Variants in FIBP observed in about 807,000 individuals in gnomAD.
FIBP encodes FGF1 intracellular binding protein.
Under a neutral mutation model 40.5 loss-of-function variants are expected in FIBP, and 29 were observed. That is an observed-to-expected ratio of 0.72 (90% CI 0.53 to 0.98). FIBP has a LOEUF of 0.98. FIBP is among the 50% of genes least tolerant of loss of function. The probability of loss-of-function intolerance (pLI) is 0.00; values close to 1 mark genes in which losing one functional copy is unlikely to be tolerated. For synonymous variants in FIBP, 215 were observed against 191.1 expected (o/e 1.13, Z -1.03); for missense variants, 411 against 470.2 (o/e 0.87, Z 1.16).
chr11:65,885,270 T>A (rs552779927), intron 5 of FIBP, 84 bp from the exon 6 acceptor site: 4 of 1,171,644 alleles, frequency 3.4e-6, no homozygotes, highest in Admixed American at 3.5e-5. Flanking sequence ...ACCACCTTAT[T>A]TCCCCCCTGG....
In FIBP at chr11:65,888,002, C is replaced by T. The variant is rs1482704370; in HGVS notation, c.216G>A (p.Ala72=). Residue 72 remains alanine, a synonymous_variant, in exon 2 of 10, where the codon GCG becomes GCA. Coordinates refer to ENST00000357519, the MANE Select transcript of FIBP (RefSeq NM_004214.5). Reference sequence around the variant, plus strand: ...TGAGCTGGTGCAGTAGCTTGGGCGGCGCATGCAGCAGCCGCTCGAGCATGT... The same window carrying T: ...TGAGCTGGTGCAGTAGCTTGGGCGGTGCATGCAGCAGCCGCTCGAGCATGT... ...TFHMLERLLH[A]PPKLLHQLIF... is the part of the protein sequence containing the mutation. The T allele has an allele frequency of 6.2e-7, 1 of 1,613,236 alleles. No homozygotes were observed. The highest frequency in any genetic ancestry group is 1.1e-5 in the South Asian group (1 of 90,982).
chr11:65,885,242 C>G, intron 5 of FIBP, 56 bp from the exon 6 acceptor site: 1 of 1,324,314 alleles, frequency 7.6e-7, no homozygotes, highest in Non-Finnish European at 1.1e-6. Context: ...CTGTGATAGC[C>G]TAAGCCTTTC....
Position 65,886,433 on chromosome 11 carries a change from G to A in FIBP, c.412-11C>T. 2 of 1,592,760 alleles carry A rather than the reference G, an allele frequency of 1.3e-6. No individual in the cohort carries two copies. Among genetic ancestry groups the A allele is most frequent in the Non-Finnish European group, 1.7e-6 (2 of 1,160,618 alleles). ...TTTAAAGTTGTCAAACTGCAGGGCAGTTAGGGTAGAAGAGAGGACTGGTCA... is the reference window on the plus strand; with the variant it reads ...TTTAAAGTTGTCAAACTGCAGGGCAATTAGGGTAGAAGAGAGGACTGGTCA... On this transcript the variant is annotated splice_polypyrimidine_tract_variant and intron_variant, in intron 3 of 9. Transcript: ENST00000357519.
In FIBP at chr11:65,884,342, G is replaced by A. The variant is rs890444172; in HGVS notation, c.1004+50C>T. 14 of 1,547,444 alleles carry A rather than the reference G, an allele frequency of 9.0e-6. No homozygotes were observed. In the African/African-American group the frequency reaches 9.5e-5, roughly 11 times the overall value. On this transcript the variant is annotated intron_variant, in intron 9 of 9. Coordinates refer to ENST00000357519, the MANE Select transcript of FIBP (RefSeq NM_004214.5). The stretch of plus-strand genomic sequence containing the variant: ...TCTGCAGGAGGCGAGGTCCTGGCAG[G>A]TGGCAGGCTGGGGCAAAGCCAAGCT...
In FIBP at chr11:65,888,027, T is replaced by C; in HGVS notation, c.191A>G (p.His64Arg). 1 of 1,612,898 alleles carries C rather than the reference T, an allele frequency of 6.2e-7. No individual in the cohort carries two copies. Among genetic ancestry groups the C allele is most frequent in the Non-Finnish European group, 8.5e-7 (1 of 1,179,714 alleles). Reference sequence around the variant, plus strand: ...CGCATGCAGCAGCCGCTCGAGCATGTGGAAGGTGCGGTAATGGTCCATGGT... The same window carrying C: ...CGCATGCAGCAGCCGCTCGAGCATGCGGAAGGTGCGGTAATGGTCCATGGT... Reference protein sequence around the residue: ...SDTMDHYRTFHMLERLLHAPP... With the variant: ...SDTMDHYRTFRMLERLLHAPP... Residue 64 changes from histidine (H) to arginine (R), a missense_variant, in exon 2 of 10, where the codon CAC becomes CGC. Physicochemically the swap from His to Arg is conservative, Grantham distance 29 (BLOSUM62 0). Transcript: ENST00000357519.
At position 65,886,375 on chromosome 11, in the gene FIBP, G is replaced by A; in HGVS notation, c.459C>T (p.Gly153=). ...RVFKVVEEMR[G]SLVDNIQQHF... Reference sequence around the variant, plus strand: ...GTTGCTGAATATTGTCCACCAGGGAGCCCCGCATTTCCTCTACCACCTTGA... The same window carrying A: ...GTTGCTGAATATTGTCCACCAGGGAACCCCGCATTTCCTCTACCACCTTGA... The change falls in exon 4 of 10, where the codon GGC becomes GGT. Residue 153 remains glycine, a synonymous_variant. Transcript: ENST00000357519. 1 of 1,613,942 alleles carries A rather than the reference G, an allele frequency of 6.2e-7. No homozygotes were observed. The highest frequency in any genetic ancestry group is 2.2e-5 in the East Asian group (1 of 44,870).
At position 65,887,625 on chromosome 11, in the gene FIBP, A is replaced by G; in HGVS notation, c.386T>C (p.Ile129Thr). 6.2e-7 allele frequency: 1 copy of G among 1,614,062 alleles called. No homozygotes were observed. Among genetic ancestry groups the G allele is most frequent in the Non-Finnish European group, 8.5e-7 (1 of 1,180,004 alleles). ...DLDDISTKTGITLKSCRRQFD... is the reference protein window; with the variant it reads ...DLDDISTKTGTTLKSCRRQFD... ...CTGTCTCCGGCAGCTCTTGAGGGTG[A>G]TGCCTGTTTTGGTGCTGATGTCATC... The change falls in exon 3 of 10, where the codon ATC becomes ACC. Residue 129 changes from isoleucine (I) to threonine (T), a missense_variant. By Grantham distance (89) the Ile-to-Thr change is moderately conservative. Transcript: ENST00000357519.
At position 65,886,481 on chromosome 11, in the gene FIBP, C is replaced by G. The variant is rs1321224784; in HGVS notation, c.412-59G>C. The G allele has an allele frequency of 4.6e-6, 5 of 1,091,210 alleles. No individual in the cohort carries two copies. The South Asian group carries it at 6.2e-5, about 14-fold the overall frequency. The allele number at this position is 1,091,210 out of a possible 1,614,324, so 67.6% of individuals were successfully genotyped here. A position where few individuals can be genotyped will look rare whatever the true frequency, so the allele number is the denominator to read the frequency against. On this transcript the variant is annotated intron_variant, in intron 3 of 9. Transcript: ENST00000357519. ...TCAGAGTGTACACTGTGTCGCTCAC[C>G]CAATAAACCACTTATTGAACATCTC... is the stretch of plus-strand genomic sequence containing the variant.
Position 65,884,006 on chromosome 11 carries a change from G to A in FIBP, c.1042C>T (p.Arg348Cys), listed in dbSNP as rs1000765021. Residue 348 changes from arginine (R) to cysteine (C), a missense_variant, in exon 10 of 10, where the codon CGC becomes TGC. By Grantham distance (180) the Arg-to-Cys change is radical. Transcript: ENST00000357519. ...TGATACAGGCGCAGGAGGCAGCCGC[G>A]GAGGGTGCCCATGTAGCGGTCCCAG... ...ALWDRYMGTL[R>C]GCLLRLYHD is the part of the protein sequence containing the mutation. 34 of 1,613,836 alleles carry A rather than the reference G, an allele frequency of 2.1e-5. No homozygotes were observed. Among genetic ancestry groups the A allele is most frequent in the African/African-American group, 8.0e-5 (6 of 74,920 alleles).
In FIBP at chr11:65,886,430, G is replaced by A. The variant is rs1277770956; in HGVS notation, c.412-8C>T. ...CCGTTTAAAGTTGTCAAACTGCAGG[G>A]CAGTTAGGGTAGAAGAGAGGACTGG... On this transcript the variant is annotated splice_polypyrimidine_tract_variant and splice_region_variant and intron_variant, in intron 3 of 9. Coordinates refer to ENST00000357519, the MANE Select transcript of FIBP (RefSeq NM_004214.5). 2 of 1,599,730 alleles carry A rather than the reference G, an allele frequency of 1.3e-6. No homozygotes were observed. The highest frequency in any genetic ancestry group is 3.3e-5 in the Admixed American group (2 of 59,992).
chr11:65,885,375 T>A, intron 5 of FIBP, 155 bp downstream of exon 5: 1 of 991,578 alleles, frequency 1.0e-6, no homozygotes, highest in South Asian at 1.5e-5. Context: ...AAGGTGTGTG[T>A]GGGGAAAACA....
Position 65,888,384 on chromosome 11 carries a change from G to A in FIBP, c.35C>T (p.Thr12Met). The A allele has an allele frequency of 6.4e-7, 1 of 1,566,598 alleles. No individual in the cohort carries two copies. The highest frequency in any genetic ancestry group is 1.2e-5 in the South Asian group (1 of 85,432). The change falls in exon 1 of 10, where the codon ACG (threonine) becomes ATG (methionine). Residue 12 changes from threonine to methionine, a missense_variant. Physicochemically the swap from Thr to Met is moderately conservative, Grantham distance 81. Transcript: ENST00000357519. ...ATACACGTCCTCGTCGATAAGGGTC[G>A]TGTTCCCCACGAAGATGTCCAGCTC... ...TSELDIFVGN[T>M]TLIDEDVYRL...
At chr11:65,887,393 C>T in intron 3 of FIBP, 1 of 591,192 alleles carries the variant, frequency 1.7e-6, no homozygotes, top group Non-Finnish European at 3.0e-6. Flanking sequence ...TTGCAGTGAG[C>T]TGAGGTCGCG....
rs1478662059 is a variant in FIBP, at chr11:65,884,989, G to A, written c.765C>T (p.Cys255=). Residue 255 remains cysteine (C), a synonymous_variant, in exon 7 of 10, where the codon TGC becomes TGT. Coordinates refer to ENST00000357519, the MANE Select transcript of FIBP (RefSeq NM_004214.5). ...DLLDLHKSLV[C]TALRGKLGVF... The stretch of plus-strand genomic sequence containing the variant: ...CGCCCAGCTTTCCCCGGAGAGCAGT[G>A]CACACCAGGCTGCAGAGAGACAGGG... 6.2e-7 allele frequency: 1 copy of A among 1,614,176 alleles called. No individual in the cohort carries two copies. Among genetic ancestry groups the A allele is most frequent in the Admixed American group, 1.7e-5 (1 of 60,024 alleles).
In FIBP at chr11:65,883,748, G is replaced by A. The variant is rs760889646; in HGVS notation, c.*226C>T. 1.0e-5 allele frequency: 9 copies of A among 866,292 alleles called. No homozygotes were observed. In the East Asian group the frequency reaches 2.4e-4, roughly 23 times the overall value. The allele number at this position is 866,292 out of a possible 1,614,324, so 53.7% of individuals were successfully genotyped here. A position where few individuals can be genotyped will look rare whatever the true frequency, so the allele number is the denominator to read the frequency against. On this transcript the variant is annotated 3_prime_UTR_variant, in exon 10 of 10. Coordinates refer to ENST00000357519, the MANE Select transcript of FIBP (RefSeq NM_004214.5). Reference sequence around the variant, plus strand: ...AACCAAGACAAGACCTCTGGCTTGTGAGCAGACTCTTCTGGTGGATGGGCT... The same window carrying A: ...AACCAAGACAAGACCTCTGGCTTGTAAGCAGACTCTTCTGGTGGATGGGCT...
intron 3 of FIBP, chr11:65,886,659 C>A: frequency 2.1e-6 from 1 of 471,610 alleles, no homozygotes. Context: ...TCAATCTTAT[C>A]TCTAAATCCA....
chr11:65,886,215 A>T (rs1860232324), intron 4 of FIBP, 107 bp downstream of exon 4: 2 of 652,214 alleles, frequency 3.1e-6, no homozygotes, highest in East Asian at 2.7e-5. Context: ...TGGGATAATC[A>T]TTCCCCCAGC....
rs372187428 is a variant in FIBP at position 65,887,587 on chromosome 11, A to C, written c.411+13T>G. 1.2e-6 allele frequency: 2 copies of C among 1,613,368 alleles called. No homozygotes were observed. The highest frequency in any genetic ancestry group is 2.7e-5 in the African/African-American group (2 of 74,714). On this transcript the variant is annotated intron_variant, in intron 3 of 9. Transcript: ENST00000357519. ...TAGATGGGATGCTGTGTCCGTGTGG[A>C]TGCAGTGCATACCTGTCTCCGGCAG...
chr11:65,885,136 C>G lies in FIBP; in HGVS notation c.697G>C (p.Asp233His). The change falls in exon 6 of 10, where the codon GAC becomes CAC. Residue 233 changes from aspartate (D) to histidine (H), a missense_variant. By Grantham distance (81) the Asp-to-His change is moderately conservative. Transcript: ENST00000357519. Reference protein sequence around the residue: ...DMDLDKEFLQDLKELKVLVAD... With the variant: ...DMDLDKEFLQHLKELKVLVAD... The stretch of plus-strand genomic sequence containing the variant: ...ACTAGCACCTTGAGCTCCTTCAAGT[C>G]CTGGAGAAATTCCTTGTCTAAGTCC... 3 of 1,611,552 alleles carry G rather than the reference C, an allele frequency of 1.9e-6. No homozygotes were observed. Among genetic ancestry groups the G allele is most frequent in the Non-Finnish European group, 2.5e-6 (3 of 1,179,198 alleles).
Sources: allele counts gnomAD v4.1 joint callset, GRCh38; gene constraint gnomAD v4.1.1; transcripts MANE v1.5; gene names NCBI Gene and HGNC (gene_info 2026-07-23, HGNC 2026-07-21).